STPG2: variants seen among roughly 807,000 people sequenced by gnomAD.
STPG2 encodes sperm-tail PG-rich repeat-containing protein 2.
Under a neutral mutation model 54.2 loss-of-function variants are expected in STPG2, and 56 were observed. The ratio of observed to expected loss-of-function variants is 1.03; its 90% confidence interval spans 0.83 to 1.29. The LOEUF (loss-of-function observed/expected upper bound fraction) is 1.29, where lower values mean the gene tolerates loss of function less well. Among genes scored for constraint, STPG2 ranks in the 50% most tolerant of loss-of-function variants. STPG2 has a pLI of 0.00. For missense variants in STPG2, 596 were observed against 544.9 expected, an observed-to-expected ratio of 1.09 and a Z score of -0.93; for synonymous variants, 200 against 181.8, an observed-to-expected ratio of 1.10 and a Z score of -0.81.
intron 9 of STPG2, among the ~76,000 whole-genome samples, chr4:97,796,995 T>C (rs1183816632): frequency 6.6e-6 from 1 of 152,082 alleles, no homozygotes; most frequent in Non-Finnish European, 1.5e-5. Context: ...GGCTCTCTGT[T>C]ATTGGTGTAT....
intron 8 of STPG2, among the ~76,000 whole-genome samples, chr4:97,930,686 T>G (rs573698427): frequency 2.1e-4 from 32 of 152,346 alleles, no homozygotes; most frequent in African/African-American, 7.7e-4. Context: ...CATATGACTT[T>G]TTAAAGGTTT....
At chr4:97,962,232 T>TGGGTGG (rs1180782805) in intron 7 of STPG2, among the ~76,000 whole-genome samples, 5 of 151,944 alleles carry the variant, frequency 3.3e-5, no homozygotes, top group Admixed American at 2.0e-4. Flanking sequence ...GAAAGAGGAA[T>TGGGTGG]AAAGGACTAC....
chr4:97,553,098 C>T (rs956729165), intron 4 of STPG2, among the ~76,000 whole-genome samples: 1 of 152,162 alleles, frequency 6.6e-6, no homozygotes, highest in Non-Finnish European at 1.5e-5. Flanking sequence ...AAGTACATCT[C>T]TAATTTTCTC....
intron 4 of STPG2, among the ~76,000 whole-genome samples, chr4:97,450,680 C>A (rs537220193): frequency 6.6e-6 from 1 of 152,060 alleles, no homozygotes; most frequent in African/African-American, 2.4e-5. Context: ...TGGAATGGCA[C>A]GGAGCAAGAT....
At chr4:97,897,122 T>C (rs1730985601) in intron 8 of STPG2, among the ~76,000 whole-genome samples, 1 of 152,044 alleles carries the variant, frequency 6.6e-6, no homozygotes, top group Non-Finnish European at 1.5e-5. Context: ...TATGTTCTCA[T>C]CATTTAGCTC....
At chr4:97,970,443 T>C (rs1426817768) in intron 7 of STPG2, among the ~76,000 whole-genome samples, 1 of 152,196 alleles carries the variant, frequency 6.6e-6, no homozygotes, top group Non-Finnish European at 1.5e-5. Flanking sequence ...AACAGTGTGC[T>C]ACTGGTACCA....
At chr4:97,443,863 A>G (rs1487419434) in intron 4 of STPG2, among the ~76,000 whole-genome samples, 1 of 152,200 alleles carries the variant, frequency 6.6e-6, no homozygotes, top group Non-Finnish European at 1.5e-5. Context: ...AAACATAAGC[A>G]GAACCAAAGG....
chr4:98,090,536 C>A (rs1348083551), intron 5 of STPG2, among the ~76,000 whole-genome samples: 1 of 151,892 alleles, frequency 6.6e-6, no homozygotes, highest in Admixed American at 6.6e-5. Context: ...TTTGGCTATG[C>A]AGGCTTTTTT....
intron 9 of STPG2, among the ~76,000 whole-genome samples, chr4:97,773,497 A>G (rs1380882992): frequency 6.6e-6 from 1 of 152,064 alleles, no homozygotes; most frequent in Non-Finnish European, 1.5e-5. Flanking sequence ...TCTTTTTAAC[A>G]GCTGGAATCT....
intron 4 of STPG2, among the ~76,000 whole-genome samples, chr4:97,450,362 A>G (rs886396513): frequency 6.6e-6 from 1 of 152,184 alleles, no homozygotes; most frequent in Admixed American, 6.5e-5. Flanking sequence ...TCAGCCAAAA[A>G]TACATAATCC....
At position 97,559,129 on chromosome 4, in the gene STPG2, G is replaced by C. The variant is rs183949997; in HGVS notation, c.1321-12C>G. On this transcript the variant is annotated splice_polypyrimidine_tract_variant and intron_variant, in intron 10 of 10. Coordinates refer to ENST00000295268, the MANE Select transcript of STPG2 (RefSeq NM_174952.3). ...TTCTCCTGGGATATCTGTTTAATAA[G>C]AATGAGAAAAAAAGGAGGAAAACAT... The C allele has an allele frequency of 6.7e-4, 1,033 of 1,530,538 alleles. 8 individuals are homozygous for C. The African/African-American group carries it at 0.013, about 19-fold the overall frequency. The allele number at this position is 1,530,538 out of a possible 1,614,324, so 94.8% of individuals were successfully genotyped here. A position where few individuals can be genotyped will look rare whatever the true frequency, so the allele number is the denominator to read the frequency against.
At chr4:97,621,628 A>G (rs1734013192) in intron 10 of STPG2, among the ~76,000 whole-genome samples, 1 of 152,194 alleles carries the variant, frequency 6.6e-6, no homozygotes. Flanking sequence ...AATTTAAATC[A>G]GTAATAAAAA....
chr4:98,056,331 T>C (rs1380058594), intron 5 of STPG2, among the ~76,000 whole-genome samples: 1 of 152,028 alleles, frequency 6.6e-6, no homozygotes, highest in Non-Finnish European at 1.5e-5. Context: ...GCACACAGTC[T>C]CCAGCAGAGG....
chr4:97,745,406 A>G (rs1477080381), intron 9 of STPG2, among the ~76,000 whole-genome samples: 2 of 151,066 alleles, frequency 1.3e-5, no homozygotes, highest in Admixed American at 6.6e-5. Flanking sequence ...TCTACAGAAG[A>G]TAGCCTTAAA....
chr4:97,951,326 G>A (rs966403582), intron 7 of STPG2, among the ~76,000 whole-genome samples: 1 of 152,134 alleles, frequency 6.6e-6, no homozygotes, highest in African/African-American at 2.4e-5. Context: ...GCTCTCTCCA[G>A]GCAGCAGGCA....
intron 9 of STPG2, among the ~76,000 whole-genome samples, chr4:97,799,591 C>T (rs539592383): frequency 1.3e-5 from 2 of 152,284 alleles, no homozygotes; most frequent in Admixed American, 6.5e-5. Context: ...GGTAACCCGA[C>T]CTTTCTCTCT....
chr4:97,603,121 AAAAC>A (rs1319489966), intron 10 of STPG2, among the ~76,000 whole-genome samples: 5 of 151,796 alleles, frequency 3.3e-5, no homozygotes, highest in Admixed American at 6.6e-5. Context: ...TCAACTACAA[AAAAC>A]AAACAAACCA....
chr4:97,865,769 C>T (rs1560562174), intron 8 of STPG2, among the ~76,000 whole-genome samples: 1 of 151,874 alleles, frequency 6.6e-6, no homozygotes, highest in Non-Finnish European at 1.5e-5. Flanking sequence ...GTTAATGGTG[C>T]AGCACACCAA....
chr4:97,586,776 A>G (rs929834483), intron 10 of STPG2, among the ~76,000 whole-genome samples: 8 of 151,956 alleles, frequency 5.3e-5, no homozygotes, highest in Admixed American at 6.6e-5. Context: ...GTGAAGGCAA[A>G]CTAAAAGAAT....
Sources: allele counts gnomAD v4.1 joint callset (sites outside exome capture counted in the v4.1 genomes callset), GRCh38; gene constraint gnomAD v4.1.1; transcripts MANE v1.5; gene names NCBI Gene and HGNC (gene_info 2026-07-23, HGNC 2026-07-21).